The following LPCAT2 variants were observed in gnomAD, a reference collection of about 807,000 sequenced individuals.
LPCAT2 encodes lysophosphatidylcholine acyltransferase 2, also known as 1-AGP acyltransferase 11.
LPCAT2 carries 58 observed loss-of-function variants against 64.7 expected under a neutral mutation model. That is an observed-to-expected ratio of 0.90 (90% CI 0.73 to 1.12). The LOEUF (loss-of-function observed/expected upper bound fraction) is 1.12, where lower values mean the gene tolerates loss of function less well. Ranked by LOEUF, LPCAT2 falls within the 50% of genes most tolerant of loss-of-function variation. LPCAT2 has a pLI of 0.00. For missense variants in LPCAT2, 579 were observed against 669.8 expected (o/e 0.86, Z 1.50); for synonymous variants, 252 against 245.3 (o/e 1.03, Z -0.26).
chr16:55,526,471 GA>G (rs1963172064), intron 2 of LPCAT2, among the ~76,000 whole-genome samples: 1 of 152,092 alleles, frequency 6.6e-6, no homozygotes, highest in South Asian at 2.1e-4. Flanking sequence ...TCTCAAATGT[GA>G]GTGCATCCTC....
intron 7 of LPCAT2, 149 bp from the exon 8 acceptor site, chr16:55,537,429 G>A: frequency 1.9e-6 from 1 of 521,174 alleles, no homozygotes; most frequent in Non-Finnish European, 3.4e-6. Context: ...GGCCCAAAAA[G>A]TGTTATAGCT....
chr16:55,541,809 C>T, intron 8 of LPCAT2: 1 of 1,230,798 alleles, frequency 8.1e-7, no homozygotes, highest in Non-Finnish European at 1.1e-6. Flanking sequence ...GTTCAATAAG[C>T]ACTAACTTTT....
intron 13 of LPCAT2, among the ~76,000 whole-genome samples, chr16:55,580,610 T>A (rs1963877513): frequency 6.6e-6 from 1 of 152,144 alleles, no homozygotes; most frequent in Non-Finnish European, 1.5e-5. Flanking sequence ...ATAATTTTGT[T>A]TAAAAAGTAG....
intron 1 of LPCAT2, among the ~76,000 whole-genome samples, chr16:55,511,558 T>A (rs1962932426): frequency 6.6e-6 from 1 of 152,210 alleles, no homozygotes; most frequent in African/African-American, 2.4e-5. Context: ...TATAATCTCA[T>A]GTTTTAGTAA....
At chr16:55,562,764 A>C (rs1441490387) in intron 11 of LPCAT2, among the ~76,000 whole-genome samples, 1 of 151,856 alleles carries the variant, frequency 6.6e-6, no homozygotes, top group African/African-American at 2.4e-5. Flanking sequence ...ATCATTTTGT[A>C]GATTCGAAAT....
rs777009877 is a variant in LPCAT2 at position 55,545,758 on chromosome 16, T to G, written c.876T>G (p.Asn292Lys). 1.2e-6 allele frequency: 2 copies of G among 1,613,188 alleles called. No individual in the cohort carries two copies. Among genetic ancestry groups the G allele is most frequent in the South Asian group, 1.1e-5 (1 of 90,910 alleles). The stretch of plus-strand genomic sequence containing the variant: ...AGTTTATGCCAGTTCAAGTACCAAA[T>G]GATGAAGAAAAAAATGATCCTGTCC... ...EVEFMPVQVP[N>K]DEEKNDPVLF... Residue 292 changes from asparagine to lysine, a missense_variant, in exon 9 of 14, where the codon AAT becomes AAG. Transcript: ENST00000262134.
intron 11 of LPCAT2, among the ~76,000 whole-genome samples, 159 bp from the exon 12 acceptor site, chr16:55,574,472 G>A (rs1156280143): frequency 1.3e-5 from 2 of 152,216 alleles, no homozygotes; most frequent in African/African-American, 4.8e-5. Flanking sequence ...CTTGGGAATA[G>A]TTGGGCTACT....
chr16:55,566,941 C>T lies in LPCAT2; in HGVS notation c.1216-7690C>T, dbSNP rs775422621. ...GCTCAGTATACTCCAGAACCGCCTCCCACTCAGCAGCATTTCACCAGTGTG... is the reference window on the plus strand; with the variant it reads ...GCTCAGTATACTCCAGAACCGCCTCTCACTCAGCAGCATTTCACCAGTGTG... On this transcript the variant is annotated intron_variant, in intron 11 of 13. Transcript: ENST00000262134. 1.2e-6 allele frequency: 2 copies of T among 1,613,808 alleles called. No individual in the cohort carries two copies. Among genetic ancestry groups the T allele is most frequent in the East Asian group, 4.5e-5 (2 of 44,862 alleles).
rs1330612405 is a variant in LPCAT2, at chr16:55,537,471, G to A, written c.798-107G>A. ...TAGCATTTATAAATGCAAAATATAT[G>A]TGAAGTGTGATGTGAGGGTATTTGT... On this transcript the variant is annotated intron_variant, in intron 7 of 13. Transcript: ENST00000262134. 5 of 810,578 alleles carry A rather than the reference G, an allele frequency of 6.2e-6. No individual in the cohort carries two copies. In the East Asian group the frequency reaches 1.1e-4, roughly 18 times the overall value. The allele number at this position is 810,578 out of a possible 1,614,324, so 50.2% of individuals were successfully genotyped here. A position where few individuals can be genotyped will look rare whatever the true frequency, so the allele number is the denominator to read the frequency against.
At chr16:55,578,887 T>G (rs1205835300) in intron 12 of LPCAT2, 2 of 458,208 alleles carry the variant, frequency 4.4e-6, no homozygotes, top group Non-Finnish European at 7.8e-6. Flanking sequence ...CCCCTGTCCC[T>G]TTGTACTATG....
chr16:55,568,828 T>C (rs539457615), intron 11 of LPCAT2, among the ~76,000 whole-genome samples: 4 of 152,310 alleles, frequency 2.6e-5, no homozygotes, highest in African/African-American at 9.6e-5. Context: ...TGTGCCTTTC[T>C]TGCGTACAGA....
intron 1 of LPCAT2, 96 bp downstream of exon 1, chr16:55,509,448 G>C (rs28501414): frequency 2.5e-6 from 3 of 1,177,356 alleles, no homozygotes; most frequent in Non-Finnish European, 3.3e-6. Flanking sequence ...GAGGAGGGCG[G>C]CCGAGGGGGG....
intron 11 of LPCAT2, among the ~76,000 whole-genome samples, chr16:55,573,180 T>C (rs1963789265): frequency 6.6e-6 from 1 of 152,224 alleles, no homozygotes; most frequent in South Asian, 2.1e-4. Flanking sequence ...TTTTAAGTTT[T>C]GGTTGCTTTG....
chr16:55,579,287 A>G (rs530228356), intron 13 of LPCAT2, 43 bp downstream of exon 13: 1 of 1,594,292 alleles, frequency 6.3e-7, no homozygotes, highest in Non-Finnish European at 8.6e-7. Flanking sequence ...TACAAGGAGG[A>G]CATCCAGACT....
chr16:55,528,635 C>T, intron 3 of LPCAT2, 41 bp downstream of exon 3: 2 of 1,432,792 alleles, frequency 1.4e-6, no homozygotes, highest in Non-Finnish European at 9.8e-7. Context: ...TATTTTCATG[C>T]TCATGCTTTA....
chr16:55,550,299 T>G (rs1284732574), intron 10 of LPCAT2, among the ~76,000 whole-genome samples: 2 of 152,196 alleles, frequency 1.3e-5, no homozygotes, highest in African/African-American at 4.8e-5. Context: ...CAGTACATTT[T>G]CCAGTGTTTT....
intron 12 of LPCAT2, 130 bp from the exon 13 acceptor site, chr16:55,578,979 C>T: frequency 1.2e-6 from 1 of 824,584 alleles, no homozygotes; most frequent in Non-Finnish European, 2.0e-6. Flanking sequence ...AGAGATGATA[C>T]TTTCTTAATA....
At chr16:55,567,131 G>A (rs1040688761) in intron 11 of LPCAT2, 3 of 1,613,864 alleles carry the variant, frequency 1.9e-6, no homozygotes, top group African/African-American at 1.3e-5. Context: ...ACACCTGCCG[G>A]AGCATTGTGT....
chr16:55,577,307 T>G (rs1045723900), intron 12 of LPCAT2, among the ~76,000 whole-genome samples: 2 of 134,524 alleles, frequency 1.5e-5, no homozygotes, highest in African/African-American at 4.9e-5. Context: ...TTATTATTTT[T>G]TTCATGGTTA....
Sources: gnomAD v4.1 joint callset for allele counts (sites outside exome capture counted in the v4.1 genomes callset) on GRCh38, gnomAD v4.1.1 for gene constraint, MANE v1.5 for transcripts, NCBI Gene and HGNC (gene_info 2026-07-23, HGNC 2026-07-21) for gene names.